The following TTLL5 variants were observed in gnomAD, a reference collection of about 807,000 sequenced individuals.
The protein encoded by TTLL5 is tubulin polyglutamylase TTLL5.
TTLL5 carries 132 observed loss-of-function variants against 168.4 expected under a neutral mutation model. The observed-to-expected ratio is 0.78, with a 90% confidence interval of 0.68 to 0.91. The LOEUF (loss-of-function observed/expected upper bound fraction) is 0.91. Among genes scored for constraint, TTLL5 ranks in the 40% least tolerant of loss-of-function variants. The pLI, the probability that TTLL5 is intolerant of heterozygous loss-of-function variation, is 0.00. For missense variants in TTLL5, 1,545 were observed against 1,581.5 expected (o/e 0.98, Z 0.39); for synonymous variants, 546 against 558.6 (o/e 0.98, Z 0.32).
chr14:75,899,169 G>A (rs574239765), intron 30 of TTLL5, among the ~76,000 whole-genome samples: 9 of 152,276 alleles, frequency 5.9e-5, no homozygotes, highest in African/African-American at 1.9e-4. Flanking sequence ...ACCATCTTAC[G>A]TAGTCTTCAA....
intron 28 of TTLL5, among the ~76,000 whole-genome samples, chr14:75,844,819 G>T (rs1896460587): frequency 6.6e-6 from 1 of 152,090 alleles, no homozygotes; most frequent in African/African-American, 2.4e-5. Context: ...CATCATAAGT[G>T]CATGAATGAT....
At chr14:75,772,910 A>T (rs1401934797) in intron 21 of TTLL5, among the ~76,000 whole-genome samples, 1 of 151,704 alleles carries the variant, frequency 6.6e-6, no homozygotes, top group East Asian at 1.9e-4. Context: ...CAGGTGATCC[A>T]CCCTCCTTGG....
At chr14:75,724,124 A>G (rs1440116426) in intron 12 of TTLL5, among the ~76,000 whole-genome samples, 1 of 152,008 alleles carries the variant, frequency 6.6e-6, no homozygotes, top group Admixed American at 6.6e-5. Context: ...AACAGACCAG[A>G]CATGGGGTTC....
chr14:75,719,529 A>G (rs1566826675), intron 10 of TTLL5, among the ~76,000 whole-genome samples: 1 of 152,138 alleles, frequency 6.6e-6, no homozygotes, highest in Non-Finnish European at 1.5e-5. Flanking sequence ...AAAAAGGCAA[A>G]CTGTATGCAT....
chr14:75,946,755 AAAC>A lies in TTLL5; in HGVS notation c.3824-7661_3824-7659del, dbSNP rs544553846. ...GGAAATGTTCTAGAGAGAAAAAAAA[AAAC>A]AACAACACAGTGAAAGAAGGTAGAG... On this transcript the variant is annotated intron_variant, in intron 31 of 31. Transcript: ENST00000298832. Among the ~76,000 whole-genome samples, 340 of 152,322 alleles carry A rather than the reference AAAC, an allele frequency of 2.2e-3. 1 individual carries two copies. Among genetic ancestry groups the A allele is most frequent in the African/African-American group, 7.7e-3 (321 of 41,582 alleles).
intron 28 of TTLL5, among the ~76,000 whole-genome samples, chr14:75,824,417 T>C (rs1010039710): frequency 8.1e-6 from 1 of 123,518 alleles, no homozygotes; most frequent in African/African-American, 3.3e-5. Context: ...AAGAAGGGCA[T>C]GTAAGGAGTC....
chr14:75,752,756 A>G (rs1890027501), intron 17 of TTLL5, 137 bp from the exon 18 acceptor site: 1 of 605,616 alleles, frequency 1.7e-6, no homozygotes. Context: ...TTCCTTTGCC[A>G]CTTTAGAAAC....
rs1338700662 is a variant in TTLL5, at chr14:75,722,668, A to G, written c.1042+1965A>G. Among the ~76,000 whole-genome samples the G allele has an allele frequency of 2.0e-5, 3 of 151,650 alleles. No homozygotes were observed. In the East Asian group the frequency reaches 5.8e-4, roughly 29 times the overall value. On this transcript the variant is annotated intron_variant, in intron 12 of 31. Coordinates refer to ENST00000298832, the MANE Select transcript of TTLL5 (RefSeq NM_015072.5). Reference sequence around the variant, plus strand: ...ATTTTTTTTTTTAGTTTTGTATTAGAGACAGGGTCTCACTGTTGTCTAGGC... The same window carrying G: ...ATTTTTTTTTTTAGTTTTGTATTAGGGACAGGGTCTCACTGTTGTCTAGGC...
intron 6 of TTLL5, among the ~76,000 whole-genome samples, 157 bp from the exon 7 acceptor site, chr14:75,699,031 A>T (rs1183119174): frequency 1.3e-5 from 2 of 152,150 alleles, no homozygotes; most frequent in African/African-American, 4.8e-5. Flanking sequence ...GCAAGTCCAA[A>T]AATACAGGTA....
intron 30 of TTLL5, among the ~76,000 whole-genome samples, chr14:75,887,539 A>T (rs1426956728): frequency 6.6e-6 from 1 of 152,232 alleles, no homozygotes. Context: ...GTAGGTAATT[A>T]TAAAATGTTT....
At chr14:75,864,264 A>G (rs2030316033) in intron 29 of TTLL5, among the ~76,000 whole-genome samples, 1 of 152,204 alleles carries the variant, frequency 6.6e-6, no homozygotes, top group African/African-American at 2.4e-5. Context: ...TACTTGGCAT[A>G]TGTGCGTGAT....
chr14:75,691,776 A>G (rs1050765044), intron 6 of TTLL5, among the ~76,000 whole-genome samples: 1 of 152,250 alleles, frequency 6.6e-6, no homozygotes, highest in Non-Finnish European at 1.5e-5. Flanking sequence ...ACGAAGTAGC[A>G]TGGGGAGAAG....
Position 75,942,039 on chromosome 14 carries a change from GGT to G in TTLL5, c.3824-12379_3824-12378del, listed in dbSNP as rs377223754. Among the ~76,000 whole-genome samples the G allele has an allele frequency of 5.5e-3, 839 of 151,600 alleles. 13 individuals carry two copies. The highest frequency in any genetic ancestry group is 0.026 in the South Asian group (127 of 4,798). ...ACTAAAAATACAAAAAAACTAGCCA[GGT>G]GTGTGGTGGCTGGTGCCTGTAGTCC... On this transcript the variant is annotated intron_variant, in intron 31 of 31. Transcript: ENST00000298832.
chr14:75,903,441 G>A (rs2057877106), intron 31 of TTLL5, among the ~76,000 whole-genome samples: 2 of 152,186 alleles, frequency 1.3e-5, no homozygotes, highest in Non-Finnish European at 2.9e-5. Context: ...AGCAGGGAGT[G>A]GAAGGGGAAA....
At chr14:75,793,989 A>G (rs1892860632) in intron 27 of TTLL5, among the ~76,000 whole-genome samples, 1 of 152,336 alleles carries the variant, frequency 6.6e-6, no homozygotes, top group South Asian at 2.1e-4. Flanking sequence ...CTTTAAGTAC[A>G]TGCTAAAAGT....
intron 6 of TTLL5, among the ~76,000 whole-genome samples, chr14:75,696,337 G>A (rs532027821): frequency 1.1e-4 from 16 of 152,160 alleles, no homozygotes; most frequent in African/African-American, 2.4e-4. Flanking sequence ...AATACTGTGC[G>A]CCCCACACCT....
intron 4 of TTLL5, 26 bp downstream of exon 4, chr14:75,681,653 T>C: frequency 6.3e-7 from 1 of 1,596,272 alleles, no homozygotes; most frequent in Non-Finnish European, 8.6e-7. Flanking sequence ...ATACCTCACC[T>C]GATCTGCTCA....
chr14:75,744,552 G>C (rs1192816723), intron 15 of TTLL5: 1 of 152,670 alleles, frequency 6.6e-6, no homozygotes, highest in East Asian at 1.9e-4. Context: ...GCTCTTTTCT[G>C]TGTTACTGAT....
intron 27 of TTLL5, among the ~76,000 whole-genome samples, chr14:75,808,735 C>T (rs2140384851): frequency 1.3e-5 from 2 of 152,168 alleles, no homozygotes; most frequent in South Asian, 4.2e-4. Flanking sequence ...CCCATGGCTG[C>T]AGGAATCAAA....
Sources: allele counts gnomAD v4.1 joint callset (sites outside exome capture counted in the v4.1 genomes callset), GRCh38; gene constraint gnomAD v4.1.1; transcripts MANE v1.5; gene names NCBI Gene and HGNC (gene_info 2026-07-23, HGNC 2026-07-21).